Variants in CDYL observed in about 807,000 individuals in gnomAD.
CDYL encodes the protein chromodomain Y like, also known as chromodomain Y-like protein.
A neutral mutation model predicts 47.3 loss-of-function variants in CDYL; 8 were observed. The observed-to-expected ratio is 0.17, with a 90% confidence interval of 0.10 to 0.31. CDYL has a LOEUF of 0.31. CDYL is among the 10% of genes least tolerant of loss of function. The probability of loss-of-function intolerance (pLI) is 1.00; values close to 1 mark genes in which losing one functional copy is unlikely to be tolerated. For synonymous variants in CDYL, 266 were observed against 265.0 expected (o/e 1.00, Z -0.04); for missense variants, 471 against 701.4 (o/e 0.67, Z 3.71).
chr6:4,783,651 A>G (rs1269120548), intron 1 of CDYL, among the ~76,000 whole-genome samples: 2 of 152,080 alleles, frequency 1.3e-5, no homozygotes, highest in African/African-American at 4.8e-5. Context: ...TCCTGACATC[A>G]AGTGATCCAC....
intron 1 of CDYL, among the ~76,000 whole-genome samples, chr6:4,834,360 T>G (rs1387807650): frequency 6.7e-5 from 10 of 149,214 alleles, no homozygotes; most frequent in Admixed American, 6.0e-4. Flanking sequence ...TATGAAATTC[T>G]GGGTTGAAAA....
chr6:4,903,266 T>A (rs920213913), intron 2 of CDYL, among the ~76,000 whole-genome samples: 1 of 152,166 alleles, frequency 6.6e-6, no homozygotes, highest in African/African-American at 2.4e-5. Context: ...TACGTGCACA[T>A]GTCCTTTTAA....
At chr6:4,913,517 C>T (rs1213570322) in intron 2 of CDYL, among the ~76,000 whole-genome samples, 2 of 152,174 alleles carry the variant, frequency 1.3e-5, no homozygotes, top group Non-Finnish European at 2.9e-5. Flanking sequence ...TTGATACTTC[C>T]ATCTTTAAGC....
chr6:4,741,040 G>A (rs1757788499), intron 3 of CDYL, among the ~76,000 whole-genome samples: 1 of 152,086 alleles, frequency 6.6e-6, no homozygotes, highest in African/African-American at 2.4e-5. Flanking sequence ...ACCTGCCTCA[G>A]CCTCCCAAAG....
rs1758460560 is a variant in CDYL, at chr6:4,776,664, G to T, written c.-120G>T. The T allele has an allele frequency of 2.2e-6, 2 of 899,176 alleles. No individual in the cohort carries two copies. The highest frequency in any genetic ancestry group is 1.8e-5 in the African/African-American group (1 of 54,676). 55.7% of individuals were successfully genotyped at this position (899,176 alleles called of 1,614,324 possible). A position where few individuals can be genotyped will look rare whatever the true frequency, so the allele number is the denominator to read the frequency against. On this transcript the variant is annotated 5_prime_UTR_variant, in exon 1 of 7. Transcript: ENST00000397588. ...GAGGCTCGTCCGTGCCCAGCGCCCG[G>T]CCGGCCGCGGGAGCAGGAAGCGCAG...
intron 1 of CDYL, among the ~76,000 whole-genome samples, chr6:4,779,293 G>A (rs62384852): frequency 0.093 from 14,088 of 152,218 alleles, 713 homozygotes; most frequent in Middle Eastern, 0.14. Context: ...GAAGTTTTCT[G>A]TTTGGCCTCA....
At chr6:4,808,760 T>A (rs1203048755) in intron 1 of CDYL, among the ~76,000 whole-genome samples, 2 of 152,256 alleles carry the variant, frequency 1.3e-5, no homozygotes, top group Non-Finnish European at 2.9e-5. Flanking sequence ...ACGGCTCTTT[T>A]TGTCTTTAGC....
chr6:4,916,650 C>T (rs1033433483), intron 2 of CDYL, among the ~76,000 whole-genome samples: 6 of 152,184 alleles, frequency 3.9e-5, no homozygotes, highest in Admixed American at 3.9e-4. Flanking sequence ...GCCTCCCCCT[C>T]TTTCAGTGAT....
upstream of CDYL, among the ~76,000 whole-genome samples, chr6:4,771,795 A>T (rs974004641): frequency 1.3e-5 from 2 of 152,228 alleles, no homozygotes; most frequent in Non-Finnish European, 2.9e-5. Flanking sequence ...GCAATTAATC[A>T]TCACAATAAT....
At chr6:4,732,259 C>A (rs954750307) in intron 2 of CDYL, among the ~76,000 whole-genome samples, 3 of 150,498 alleles carry the variant, frequency 2.0e-5, no homozygotes, top group African/African-American at 7.3e-5. Flanking sequence ...TGCTTGAGCC[C>A]CAGAGATTGC....
chr6:4,924,074 A>G (rs80089674), intron 2 of CDYL, among the ~76,000 whole-genome samples: 2,422 of 152,292 alleles, frequency 0.016, 76 homozygotes, highest in African/African-American at 0.054. Flanking sequence ...TAGGTTCACA[A>G]TTCTGTGGTT....
chr6:4,782,211 G>T (rs775487162), intron 1 of CDYL, among the ~76,000 whole-genome samples: 4 of 152,104 alleles, frequency 2.6e-5, no homozygotes, highest in Non-Finnish European at 5.9e-5. Context: ...TTAGCTAAGG[G>T]CGTTGTAATT....
chr6:4,718,912 GTT>G (rs34940804), intron 2 of CDYL, among the ~76,000 whole-genome samples: 43 of 132,876 alleles, frequency 3.2e-4, no homozygotes, highest in African/African-American at 1.0e-3. Context: ...ATTTCCACTG[GTT>G]TTTTTTTTTC....
chr6:4,829,658 C>T (rs1044344517), intron 1 of CDYL, among the ~76,000 whole-genome samples: 1 of 152,192 alleles, frequency 6.6e-6, no homozygotes, highest in Admixed American at 6.5e-5. Flanking sequence ...TTGTATATCT[C>T]AACTTGATCA....
Position 4,854,701 on chromosome 6 carries a change from G to A in CDYL, c.25-37012G>A, listed in dbSNP as rs568018155. Among the ~76,000 whole-genome samples the A allele has an allele frequency of 2.0e-5, 3 of 152,352 alleles. No homozygotes were observed. The South Asian group carries it at 6.2e-4, about 32-fold the overall frequency. On this transcript the variant is annotated intron_variant, in intron 1 of 6. Coordinates refer to ENST00000397588, the MANE Select transcript of CDYL (RefSeq NM_004824.4). ...GAGGGCACACACACCTAGCAGGTAA[G>A]TTGTCACACATCAGTGGCAGCACAA...
At position 4,840,386 on chromosome 6, in the gene CDYL, A is replaced by T. The variant is rs973245026; in HGVS notation, c.25-51327A>T. Among the ~76,000 whole-genome samples the T allele has an allele frequency of 5.2e-4, 79 of 151,954 alleles. 1 individual carries two copies. Among genetic ancestry groups the T allele is most frequent in the African/African-American group, 1.8e-3 (73 of 41,340 alleles). The stretch of plus-strand genomic sequence containing the variant: ...TTTGACTTCCTCTTTACTGATTTGG[A>T]TGGCCTTTCTTTCTTTCTTTTGTTT... On this transcript the variant is annotated intron_variant, in intron 1 of 6. Coordinates refer to ENST00000397588, the MANE Select transcript of CDYL (RefSeq NM_004824.4).
chr6:4,926,774 A>G (rs1414885844), intron 2 of CDYL, among the ~76,000 whole-genome samples: 1 of 152,208 alleles, frequency 6.6e-6, no homozygotes, highest in East Asian at 1.9e-4. Context: ...ACATGGAAAC[A>G]TTGTTGATAT....
rs760362066 is a variant in CDYL at position 4,935,504 on chromosome 6, ACTCTCGGCAGGTACAT to A, written c.692-7_700del. The stretch of plus-strand genomic sequence containing the variant: ...ACATCACAGACTACTGTGATTTCAA[ACTCTCGGCAGGTACAT>A]CTCCGTTCATGGATGCATTAACAGC... On this transcript the variant is annotated splice_acceptor_variant and splice_polypyrimidine_tract_variant and coding_sequence_variant and intron_variant, in exon 3 of 7. Coordinates refer to ENST00000397588, the MANE Select transcript of CDYL (RefSeq NM_004824.4). LOFTEE classifies it high-confidence loss of function. 6.2e-7 allele frequency: 1 copy of A among 1,613,094 alleles called. No individual in the cohort carries two copies. The highest frequency in any genetic ancestry group is 2.2e-5 in the East Asian group (1 of 44,866).
intron 3 of CDYL, among the ~76,000 whole-genome samples, chr6:4,756,615 T>C (rs1758080079): frequency 6.6e-6 from 1 of 151,922 alleles, no homozygotes; most frequent in Non-Finnish European, 1.5e-5. Context: ...TGTGTGTGTG[T>C]ATCTTGCCTC....
Sources: allele counts gnomAD v4.1 joint callset (sites outside exome capture counted in the v4.1 genomes callset), GRCh38; gene constraint gnomAD v4.1.1; transcripts MANE v1.5; gene names NCBI Gene and HGNC (gene_info 2026-07-23, HGNC 2026-07-21).